ZNF124: variants seen among roughly 807,000 people sequenced by gnomAD.
ZNF124 encodes the protein zinc finger protein 124.
In ZNF124, 25 loss-of-function variants were observed where a neutral mutation model predicts 26.6. The ratio of observed to expected loss-of-function variants is 0.94; its 90% CI spans 0.68 to 1.31. The LOEUF (loss-of-function observed/expected upper bound fraction) is 1.31, where lower values mean the gene tolerates loss of function less well. Among genes scored for constraint, ZNF124 ranks in the 40% most tolerant of loss-of-function variants. ZNF124 has a pLI of 0.00. For synonymous variants in ZNF124, 129 were observed against 133.3 expected, an observed-to-expected ratio of 0.97 and a Z score of 0.22; for missense variants, 444 against 422.2, an observed-to-expected ratio of 1.05 and a Z score of -0.45.
chr1:247,150,164 T>C (rs948516567), downstream of ZNF124, among the ~76,000 whole-genome samples: 8 of 152,222 alleles, frequency 5.3e-5, no homozygotes, highest in Non-Finnish European at 8.8e-5. Flanking sequence ...ATGATACTGA[T>C]TTTGTAACAA....
At chr1:247,147,533 A>C (rs183170348) in intron 3 of ZNF124, among the ~76,000 whole-genome samples, 75 of 152,242 alleles carry the variant, frequency 4.9e-4, no homozygotes, top group African/African-American at 1.6e-3. Context: ...CTGCTTCTTT[A>C]ACTTTTTGAA....
intron 1 of ZNF124, among the ~76,000 whole-genome samples, chr1:247,162,870 A>G (rs1236396839): frequency 6.6e-6 from 1 of 152,168 alleles, no homozygotes; most frequent in Non-Finnish European, 1.5e-5. Flanking sequence ...TGATGGTATT[A>G]GATCATAAAG....
rs192393881 is a variant in ZNF124 at position 247,142,799 on chromosome 1, C to G, written c.218+16207G>C. ...TTCTACTCTAAAAATTTCAATTCAT[C>G]TTATGTATTGTAGAAGATTTTAAAT... is the stretch of plus-strand genomic sequence containing the variant. On this transcript the variant is annotated intron_variant, in intron 3 of 3. Transcript: ENST00000472531. Among the ~76,000 whole-genome samples the G allele has an allele frequency of 8.8e-4, 132 of 149,850 alleles. 1 individual carries two copies. The highest frequency in any genetic ancestry group is 3.9e-4 in the East Asian group (2 of 5,144).
chr1:247,131,987 AG>A (rs931658315), intron 3 of ZNF124, among the ~76,000 whole-genome samples: 56 of 152,256 alleles, frequency 3.7e-4, no homozygotes, highest in African/African-American at 1.3e-3. Context: ...ACCCTCCAAC[AG>A]GGGTTGTCAG....
chr1:247,125,025 A>AGT (rs1672173631), intron 3 of ZNF124, among the ~76,000 whole-genome samples: 1 of 151,460 alleles, frequency 6.6e-6, no homozygotes, highest in South Asian at 2.1e-4. Flanking sequence ...CAGGCTGGCA[A>AGT]CTCCTGGGCT....
At chr1:247,143,112 C>T (rs1451799238) in intron 3 of ZNF124, among the ~76,000 whole-genome samples, 1 of 152,032 alleles carries the variant, frequency 6.6e-6, no homozygotes, top group African/African-American at 2.4e-5. Flanking sequence ...TCCTGACCTC[C>T]CCAGAATCCT....
At chr1:247,124,158 T>C (rs569305526) in intron 3 of ZNF124, among the ~76,000 whole-genome samples, 1 of 150,800 alleles carries the variant, frequency 6.6e-6, no homozygotes. Flanking sequence ...AATAGCTTTA[T>C]TGGGATCACA....
At chr1:247,166,125 G>A (rs559537137) in intron 1 of ZNF124, among the ~76,000 whole-genome samples, 1 of 152,308 alleles carries the variant, frequency 6.6e-6, no homozygotes, top group South Asian at 2.1e-4. Context: ...GCTGCAGTAA[G>A]CCAAAATCGT....
intron 1 of ZNF124, among the ~76,000 whole-genome samples, chr1:247,162,726 C>T (rs1333532872): frequency 2.0e-5 from 3 of 151,746 alleles, no homozygotes; most frequent in African/African-American, 7.3e-5. Context: ...AAGGTTCAAT[C>T]CAACAAGCAG....
At chr1:247,159,834 G>C in intron 1 of ZNF124, 21 bp from the exon 2 acceptor site, 1 of 1,605,774 alleles carries the variant, frequency 6.2e-7, no homozygotes, top group Admixed American at 1.7e-5. Context: ...CCACATTTTT[G>C]TAGAGGATGG....
In ZNF124 at chr1:247,168,895, G is replaced by A. The variant is rs1025671488; in HGVS notation, c.30+2953C>T. Among the ~76,000 whole-genome samples the A allele has an allele frequency of 5.9e-5, 9 of 151,958 alleles. No individual in the cohort carries two copies. The highest frequency in any genetic ancestry group is 1.2e-4 in the Non-Finnish European group (8 of 67,998). ...GGTGAGACTGCATATTGGGTACAGC[G>A]TACACTGATAAGGTGACAGGACCAA... is the stretch of plus-strand genomic sequence containing the variant. On this transcript the variant is annotated intron_variant, in intron 1 of 3. Coordinates refer to ENST00000543802, the MANE Select transcript of ZNF124 (RefSeq NM_001297568.2). This position sits in a 1 kb window ranked among gnomAD's most constrained non-coding sequence, Gnocchi z 4.0.
chr1:247,151,754 T>G (rs1283017562), downstream of ZNF124, among the ~76,000 whole-genome samples: 1 of 151,978 alleles, frequency 6.6e-6, no homozygotes, highest in Non-Finnish European at 1.5e-5. Flanking sequence ...CTAAAACACA[T>G]GCATATGTGC....
At chr1:247,172,047 T>C (rs920762873), upstream of ZNF124, 1 of 80,188 alleles carries the variant, frequency 1.2e-5, no homozygotes, top group Non-Finnish European at 2.5e-5. Flanking sequence ...TCGGGTTTTC[T>C]AGCGGAGCGC....
intron 3 of ZNF124, 110 bp downstream of exon 3, chr1:247,158,896 T>G: frequency 2.0e-6 from 2 of 992,172 alleles, no homozygotes; most frequent in Non-Finnish European, 3.0e-6. Flanking sequence ...CCCAAAGTGC[T>G]GGGATTACAG....
chr1:247,148,494 T>C (rs575570642), intron 3 of ZNF124, among the ~76,000 whole-genome samples: 2 of 152,216 alleles, frequency 1.3e-5, no homozygotes, highest in South Asian at 4.1e-4. Flanking sequence ...ATGAGATTCC[T>C]AGGCCTGATG....
At chr1:247,144,893 A>C (rs1572068374) in intron 3 of ZNF124, among the ~76,000 whole-genome samples, 1 of 151,560 alleles carries the variant, frequency 6.6e-6, no homozygotes, top group East Asian at 1.9e-4. Context: ...CTCCTGCCTC[A>C]GCCTCCTGAG....
chr1:247,141,385 C>A (rs74152938), intron 3 of ZNF124, among the ~76,000 whole-genome samples: 19,780 of 152,058 alleles, frequency 0.13, 1,824 homozygotes, highest in African/African-American at 0.25. Context: ...GGGTGTTCAG[C>A]TGGTGGGTGG....
At chr1:247,132,734 C>T (rs1443485487) in intron 3 of ZNF124, among the ~76,000 whole-genome samples, 3 of 152,182 alleles carry the variant, frequency 2.0e-5, no homozygotes, top group Non-Finnish European at 4.4e-5. Context: ...AGATTCTAGA[C>T]ATTGCATAGA....
intron 1 of ZNF124, among the ~76,000 whole-genome samples, chr1:247,164,804 A>G (rs971631670): frequency 6.6e-6 from 1 of 152,182 alleles, no homozygotes; most frequent in African/African-American, 2.4e-5. Context: ...GATCCCACAT[A>G]GCCAAGCAAG....
Sources: gnomAD v4.1 joint callset for allele counts (sites outside exome capture counted in the v4.1 genomes callset) on GRCh38, gnomAD v4.1.1 for gene constraint, Gnocchi (gnomAD v3.1) non-coding constraint, MANE v1.5 for transcripts, NCBI Gene and HGNC (gene_info 2026-07-23, HGNC 2026-07-21) for gene names.